ST3GAL2: variants seen among roughly 807,000 people sequenced by gnomAD.
ST3GAL2 encodes CMP-N-acetylneuraminate-beta-galactosamide-alpha-2,3-sialyltransferase 2.
ST3GAL2 carries 16 observed loss-of-function variants against 37.5 expected under a neutral mutation model. The observed-to-expected ratio is 0.43, with a 90% confidence interval of 0.29 to 0.65. The LOEUF is 0.65. Among genes scored for constraint, ST3GAL2 ranks in the 30% least tolerant of loss-of-function variants. ST3GAL2 has a pLI of 0.17. For synonymous variants in ST3GAL2, 238 were observed against 202.9 expected (o/e 1.17, Z -1.47); for missense variants, 383 against 487.8 (o/e 0.79, Z 2.02).
At chr16:70,426,189 T>G (rs2047749145) in intron 1 of ST3GAL2, among the ~76,000 whole-genome samples, 1 of 140,966 alleles carries the variant, frequency 7.1e-6, no homozygotes, top group Non-Finnish European at 1.6e-5. Flanking sequence ...GCCTTTTTTT[T>G]TTTTTTTTTT....
rs181212226 is a variant in ST3GAL2, at chr16:70,393,172, G to A, written c.533+1810C>T. 1.0e-3 allele frequency among the ~76,000 whole-genome samples: 157 copies of A among 150,624 alleles called. 4 individuals are homozygous for A. The highest frequency in any genetic ancestry group is 2.4e-4 in the Non-Finnish European group (16 of 67,854). On this transcript the variant is annotated intron_variant, in intron 3 of 6. Coordinates refer to ENST00000342907, the MANE Select transcript of ST3GAL2 (RefSeq NM_006927.4). ...ATGATCTTGGCTCACTGCAACCTCCGCCTCCTGGGTTCAGGCAACCTCAGC... is the reference window on the plus strand; with the variant it reads ...ATGATCTTGGCTCACTGCAACCTCCACCTCCTGGGTTCAGGCAACCTCAGC...
intron 1 of ST3GAL2, among the ~76,000 whole-genome samples, chr16:70,402,902 C>G (rs1441206663): frequency 1.3e-5 from 2 of 152,212 alleles, no homozygotes; most frequent in African/African-American, 2.4e-5. Flanking sequence ...CCACCCGCCT[C>G]AGCCTCCCAA....
At position 70,381,673 on chromosome 16, in the gene ST3GAL2, C is replaced by G. The variant is rs769428995; in HGVS notation, c.*16G>C. ...TGCCCGATAGATGGGCCGGAAGGGT[C>G]GCGGCGAGGCCCGGCTCAGTTGCCC... On this transcript the variant is annotated 3_prime_UTR_variant, in exon 7 of 7. Coordinates refer to ENST00000342907, the MANE Select transcript of ST3GAL2 (RefSeq NM_006927.4). 2 of 1,610,740 alleles carry G rather than the reference C, an allele frequency of 1.2e-6. No individual in the cohort carries two copies. The highest frequency in any genetic ancestry group is 1.1e-5 in the South Asian group (1 of 90,916).
chr16:70,415,544 C>A (rs1273354323), intron 1 of ST3GAL2, among the ~76,000 whole-genome samples: 1 of 152,108 alleles, frequency 6.6e-6, no homozygotes, highest in Non-Finnish European at 1.5e-5. Context: ...CTCCATCTCC[C>A]GGGTTCAAGC....
At chr16:70,385,227 C>T (rs866426113) in intron 4 of ST3GAL2, among the ~76,000 whole-genome samples, 4 of 152,112 alleles carry the variant, frequency 2.6e-5, no homozygotes, top group Admixed American at 6.6e-5. Flanking sequence ...ATCGCTTGAA[C>T]CCAGGTTGCA....
At chr16:70,437,507 C>CA (rs34874526) in intron 1 of ST3GAL2, among the ~76,000 whole-genome samples, 3,610 of 130,526 alleles carry the variant, frequency 0.028, 55 homozygotes, top group Non-Finnish European at 0.045. Context: ...GCCCCCCCCG[C>CA]AAAAAAAAAA....
intron 3 of ST3GAL2, among the ~76,000 whole-genome samples, chr16:70,390,296 C>T (rs2047474281): frequency 1.3e-5 from 2 of 152,164 alleles, no homozygotes; most frequent in African/African-American, 2.4e-5. Context: ...TGGTCTCAAT[C>T]TCCTGAACTC....
At chr16:70,417,318 C>T (rs1257972805) in intron 1 of ST3GAL2, among the ~76,000 whole-genome samples, 2 of 152,124 alleles carry the variant, frequency 1.3e-5, no homozygotes, top group Admixed American at 1.3e-4. Flanking sequence ...TCCCAGCCCC[C>T]ACTTCCCACA....
At chr16:70,384,720 A>AC (rs954586989) in intron 4 of ST3GAL2, among the ~76,000 whole-genome samples, 3 of 150,586 alleles carry the variant, frequency 2.0e-5, no homozygotes, top group African/African-American at 7.3e-5. Context: ...AAAAAAAAAA[A>AC]AAAAAACACA....
At chr16:70,438,796 G>A (rs1189890734) in intron 1 of ST3GAL2, among the ~76,000 whole-genome samples, 153 bp downstream of exon 1, 3 of 151,930 alleles carry the variant, frequency 2.0e-5, no homozygotes, top group African/African-American at 7.2e-5. Context: ...GCCCACACGA[G>A]GGAGCCCGGC....
At chr16:70,383,110 A>G in intron 5 of ST3GAL2, 80 bp downstream of exon 5, 1 of 1,592,502 alleles carries the variant, frequency 6.3e-7, no homozygotes, top group East Asian at 2.2e-5. Flanking sequence ...GGGGAAATGG[A>G]ACACCTGAGC....
rs974731153 is a variant in ST3GAL2, at chr16:70,376,284, G to A, written c.*5405C>T. ...GTAATTTTAAAAAAGGAAAGGCAAA[G>A]TCATTTTATAGCAAGGCCGGATGGA... On this transcript the variant is annotated 3_prime_UTR_variant, in exon 7 of 7. Transcript: ENST00000342907. 1 of 152,264 alleles carries A rather than the reference G, an allele frequency of 6.6e-6. No individual in the cohort carries two copies. The highest frequency in any genetic ancestry group is 2.4e-5 in the African/African-American group (1 of 41,472). 9.4% of individuals were successfully genotyped at this position (152,264 alleles called of 1,614,324 possible).
In ST3GAL2 at chr16:70,431,306, C is replaced by T. The variant is rs975591935; in HGVS notation, c.-1004+7643G>A. 5.3e-5 allele frequency among the ~76,000 whole-genome samples: 8 copies of T among 152,214 alleles called. No homozygotes were observed. In the East Asian group the frequency reaches 1.5e-3, roughly 29 times the overall value. On this transcript the variant is annotated intron_variant, in intron 1 of 6. Coordinates refer to ENST00000342907, the MANE Select transcript of ST3GAL2 (RefSeq NM_006927.4). ...TTAACATTTGTTGCCAATTTTCTCC[C>T]TCCAAAGGCTGCTGACCTGCTGAGG... is the stretch of plus-strand genomic sequence containing the variant.
intron 6 of ST3GAL2, 69 bp downstream of exon 6, chr16:70,382,736 T>G (rs2047414841): frequency 1.2e-6 from 2 of 1,602,324 alleles, no homozygotes; most frequent in Non-Finnish European, 1.7e-6. Flanking sequence ...GTTAGCCTGC[T>G]AAGACCCGAG....
chr16:70,438,551 G>A lies in ST3GAL2; in HGVS notation c.-1004+398C>T, dbSNP rs954113147. ...AGGCTCTGGCCAAGAGTGGGGCCGG[G>A]GTCTCCCAGGTGGAGCAGAGGCCGG... On this transcript the variant is annotated intron_variant, in intron 1 of 6. Coordinates refer to ENST00000342907, the MANE Select transcript of ST3GAL2 (RefSeq NM_006927.4). Among the ~76,000 whole-genome samples, 7 of 152,256 alleles carry A rather than the reference G, an allele frequency of 4.6e-5. No individual in the cohort carries two copies. In the South Asian group the frequency reaches 6.2e-4, roughly 14 times the overall value.
At chr16:70,384,705 CAAAAAAA>C (rs34907504) in intron 4 of ST3GAL2, among the ~76,000 whole-genome samples, 3 of 69,114 alleles carry the variant, frequency 4.3e-5, no homozygotes, top group Non-Finnish European at 7.9e-5. Flanking sequence ...AACTCTGTCT[CAAAAAAA>C]AAAAAAAAAA....
rs146117267 is a variant in ST3GAL2 at position 70,428,594 on chromosome 16, C to T, written c.-1004+10355G>A. On this transcript the variant is annotated intron_variant, in intron 1 of 6. Transcript: ENST00000342907. Reference sequence around the variant, plus strand: ...CCCATCTCTCCCCAGACCCCTCTATCCTATCCCTCCCTCTTGGACACAATC... The same window carrying T: ...CCCATCTCTCCCCAGACCCCTCTATTCTATCCCTCCCTCTTGGACACAATC... Among the ~76,000 whole-genome samples, 27 of 152,346 alleles carry T rather than the reference C, an allele frequency of 1.8e-4. 1 individual carries two copies. The East Asian group carries it at 2.5e-3, about 14-fold the overall frequency.
intron 1 of ST3GAL2, among the ~76,000 whole-genome samples, chr16:70,430,257 T>G (rs751468319): frequency 1.3e-5 from 2 of 152,218 alleles, no homozygotes; most frequent in Non-Finnish European, 2.9e-5. Context: ...TGGAAGACAA[T>G]GCCCTCTAAA....
intron 1 of ST3GAL2, among the ~76,000 whole-genome samples, chr16:70,429,588 CAAAAAAAAA>C (rs1173306093): frequency 2.8e-5 from 1 of 36,064 alleles, no homozygotes; most frequent in African/African-American, 9.6e-5. Flanking sequence ...GACTCTGTCT[CAAAAAAAAA>C]AAAAAAAAAA....
Sources: gnomAD v4.1 joint callset for allele counts (sites outside exome capture counted in the v4.1 genomes callset) on GRCh38, gnomAD v4.1.1 for gene constraint, MANE v1.5 for transcripts, NCBI Gene and HGNC (gene_info 2026-07-23, HGNC 2026-07-21) for gene names.